Variants in FLYWCH2 observed in about 807,000 individuals in gnomAD.
FLYWCH2 encodes the protein FLYWCH family member 2.
A neutral mutation model predicts 6.0 loss-of-function variants in FLYWCH2; 2 were observed. The observed-to-expected ratio is 0.33, with a 90% confidence interval of 0.14 to 1.04. FLYWCH2 has a LOEUF of 1.04. Ranked by LOEUF, FLYWCH2 falls within the 50% of genes least tolerant of loss-of-function variation. The pLI is 0.45. For missense variants in FLYWCH2, 192 were observed against 183.4 expected (o/e 1.05, Z -0.27); for synonymous variants, 87 against 79.3 (o/e 1.10, Z -0.52).
chr16:2,897,991 G>A (rs956759981), intron 3 of FLYWCH2, among the ~76,000 whole-genome samples: 4 of 152,094 alleles, frequency 2.6e-5, no homozygotes, highest in African/African-American at 7.2e-5. Flanking sequence ...GCCAGAACAG[G>A]TGGTCCCCTG....
chr16:2,889,537 A>G (rs1189626674), intron 1 of FLYWCH2, among the ~76,000 whole-genome samples: 1 of 113,556 alleles, frequency 8.8e-6, no homozygotes, highest in East Asian at 2.2e-4. Context: ...AAAAAGCACT[A>G]GGAAAGACTA....
At position 2,899,270 on chromosome 16, in the gene FLYWCH2, T is replaced by C. The variant is rs2069858153; in HGVS notation, c.*121T>C. 3.1e-6 allele frequency: 1 copy of C among 325,482 alleles called. No individual in the cohort carries two copies. The highest frequency in any genetic ancestry group is 2.2e-5 in the African/African-American group (1 of 44,710). 20.2% of individuals were successfully genotyped at this position (325,482 alleles called of 1,614,324 possible). A position where few individuals can be genotyped will look rare whatever the true frequency, so the allele number is the denominator to read the frequency against. ...TTTAACATTGTGTGATTTCTTTTCT[T>C]TTTTTTTTTTTTTTTAGATCAAGTA... On this transcript the variant is annotated 3_prime_UTR_variant, in exon 4 of 4. Coordinates refer to ENST00000396958, the MANE Select transcript of FLYWCH2 (RefSeq NM_138439.3).
At chr16:2,889,052 C>T (rs779179871) in intron 1 of FLYWCH2, among the ~76,000 whole-genome samples, 5 of 151,830 alleles carry the variant, frequency 3.3e-5, no homozygotes, top group Non-Finnish European at 7.4e-5. Flanking sequence ...TTTTCCAGAA[C>T]GCATAAAAAT....
intron 1 of FLYWCH2, among the ~76,000 whole-genome samples, chr16:2,889,215 T>TC (rs2069729910): frequency 6.7e-6 from 1 of 148,402 alleles, no homozygotes; most frequent in Non-Finnish European, 1.5e-5. Context: ...TTTACTTTTT[T>TC]TTTTTTTTTT....
At position 2,892,793 on chromosome 16, in the gene FLYWCH2, G is replaced by A. The variant is rs1456734033; in HGVS notation, c.-199-2427G>A. Among the ~76,000 whole-genome samples, 8 of 146,086 alleles carry A rather than the reference G, an allele frequency of 5.5e-5. No homozygotes were observed. The East Asian group carries it at 1.0e-3, about 19-fold the overall frequency. On this transcript the variant is annotated intron_variant, in intron 1 of 3. Coordinates refer to ENST00000396958, the MANE Select transcript of FLYWCH2 (RefSeq NM_138439.3). ...CAGGAGGTGGAGGTTGCAGTGATCCGAGATCACGCCACTGCACTCCAGCCT... is the reference window on the plus strand; with the variant it reads ...CAGGAGGTGGAGGTTGCAGTGATCCAAGATCACGCCACTGCACTCCAGCCT...
intron 1 of FLYWCH2, among the ~76,000 whole-genome samples, chr16:2,890,492 G>A (rs886404899): frequency 6.0e-5 from 9 of 151,240 alleles, no homozygotes; most frequent in South Asian, 4.2e-4. Context: ...TTGGCTCACC[G>A]CAATCTCCAC....
chr16:2,889,193 G>A (rs1371461272), intron 1 of FLYWCH2, among the ~76,000 whole-genome samples: 1 of 142,534 alleles, frequency 7.0e-6, no homozygotes, highest in African/African-American at 2.6e-5. Flanking sequence ...TTTTCAATCT[G>A]TTCTTCTAAC....
At position 2,896,304 on chromosome 16, in the gene FLYWCH2, G is replaced by A. The variant is rs553511434; in HGVS notation, c.-98-48G>A. The A allele has an allele frequency of 2.4e-5, 26 of 1,065,748 alleles. No homozygotes were observed. In the East Asian group the frequency reaches 6.3e-4, roughly 26 times the overall value. The allele number at this position is 1,065,748 out of a possible 1,614,324, so 66.0% of individuals were successfully genotyped here. On this transcript the variant is annotated intron_variant, in intron 2 of 3. Transcript: ENST00000396958. ...CCTCCCTCCCAGATCCACGTCTAGA[G>A]CCTCCCAAGGGCTTCCACCACTGAC...
At chr16:2,886,187 ATTT>A (rs945976361) in intron 1 of FLYWCH2, among the ~76,000 whole-genome samples, 6 of 146,422 alleles carry the variant, frequency 4.1e-5, no homozygotes, top group African/African-American at 1.5e-4. Flanking sequence ...TATTGTTATT[ATTT>A]TTTTTTTTTA....
intron 1 of FLYWCH2, among the ~76,000 whole-genome samples, chr16:2,888,148 A>G (rs999532193): frequency 1.3e-5 from 2 of 151,958 alleles, no homozygotes; most frequent in Non-Finnish European, 2.9e-5. Flanking sequence ...AGCTGTGACT[A>G]TAGTTGCATG....
intron 2 of FLYWCH2, 144 bp downstream of exon 2, chr16:2,895,464 A>C (rs1440404538): frequency 6.6e-6 from 1 of 152,334 alleles, no homozygotes; most frequent in Admixed American, 6.5e-5. Context: ...AATACAAAAA[A>C]TTAGCCGGGC....
intron 2 of FLYWCH2, 133 bp from the exon 3 acceptor site, chr16:2,896,219 C>T: frequency 1.8e-6 from 1 of 555,630 alleles, no homozygotes; most frequent in Non-Finnish European, 3.1e-6. Context: ...AAGCCTAGTT[C>T]CATCAGGCCC....
intron 3 of FLYWCH2, among the ~76,000 whole-genome samples, chr16:2,898,368 C>A (rs911686044): frequency 6.6e-6 from 1 of 152,170 alleles, no homozygotes; most frequent in African/African-American, 2.4e-5. Flanking sequence ...GCTCTGAGAG[C>A]CTCTGCCTGT....
rs2069819116 is a variant in FLYWCH2 at position 2,896,359 on chromosome 16, C to T, written c.-91C>T. 1 of 1,458,166 alleles carries T rather than the reference C, an allele frequency of 6.9e-7. No individual in the cohort carries two copies. Among genetic ancestry groups the T allele is most frequent in the Admixed American group, 2.5e-5 (1 of 39,346 alleles). The allele number at this position is 1,458,166 out of a possible 1,614,324, so 90.3% of individuals were successfully genotyped here. On this transcript the variant is annotated 5_prime_UTR_variant, in exon 3 of 4. Transcript: ENST00000396958. ...TTTTGCTTCCTTCCTTAGGACGGAA[C>T]CGCTGGACTCCAGGTTCCTTGCCTG...
chr16:2,896,836 C>T lies in FLYWCH2; in HGVS notation c.322+65C>T, dbSNP rs751257562. The stretch of plus-strand genomic sequence containing the variant: ...TCCCAGGGTGGCCCCCACAGCCGCG[C>T]TGGCTCCATCAGGCGCTTCTCCCTG... On this transcript the variant is annotated intron_variant, in intron 3 of 3. Coordinates refer to ENST00000396958, the MANE Select transcript of FLYWCH2 (RefSeq NM_138439.3). The T allele has an allele frequency of 1.2e-5, 18 of 1,446,096 alleles. No homozygotes were observed. In the African/African-American group the frequency reaches 2.0e-4, roughly 16 times the overall value. 89.6% of individuals were successfully genotyped at this position (1,446,096 alleles called of 1,614,324 possible).
intron 1 of FLYWCH2, among the ~76,000 whole-genome samples, chr16:2,893,392 G>T (rs2069781274): frequency 6.6e-6 from 1 of 152,098 alleles, no homozygotes; most frequent in Admixed American, 6.6e-5. Flanking sequence ...GAGATTCCAG[G>T]AATTTTAGGA....
chr16:2,887,388 C>T (rs12446717), intron 1 of FLYWCH2, among the ~76,000 whole-genome samples: 70,006 of 147,980 alleles, frequency 0.47, 17,347 homozygotes, highest in Non-Finnish European at 0.55. Context: ...CCTGAACTCC[C>T]GAGCTGAAGA....
chr16:2,898,962 A>G (rs891140124), intron 3 of FLYWCH2, 87 bp from the exon 4 acceptor site: 3 of 1,000,998 alleles, frequency 3.0e-6, no homozygotes, highest in Non-Finnish European at 4.4e-6. Context: ...GGTTGGGGTG[A>G]GAGTGAGGCC....
Position 2,885,150 on chromosome 16 carries a change from G to A in FLYWCH2, c.-200+1784G>A, listed in dbSNP as rs1365313877. Among the ~76,000 whole-genome samples the A allele has an allele frequency of 5.3e-5, 8 of 151,802 alleles. No individual in the cohort carries two copies. In the South Asian group the frequency reaches 6.2e-4, roughly 12 times the overall value. ...ATCCTGGCTAACACGGTGAAACCCC[G>A]TCTCTACTAAAAATACAAAAAATTA... On this transcript the variant is annotated intron_variant, in intron 1 of 3. Transcript: ENST00000396958.
Sources: allele counts gnomAD v4.1 joint callset (sites outside exome capture counted in the v4.1 genomes callset), GRCh38; gene constraint gnomAD v4.1.1; transcripts MANE v1.5; gene names NCBI Gene and HGNC (gene_info 2026-07-23, HGNC 2026-07-21).